Variants in GRIN2A observed in about 807,000 individuals in gnomAD.
GRIN2A encodes the protein glutamate ionotropic receptor NMDA type subunit 2A.
A neutral mutation model predicts 113.4 loss-of-function variants in GRIN2A; 22 were observed. That is an observed-to-expected ratio of 0.19 (90% confidence interval 0.14 to 0.28). The LOEUF is 0.28. GRIN2A is among the 10% of genes least tolerant of loss of function. The pLI is 1.00. For missense variants in GRIN2A, 1,502 were observed against 1,887.0 expected, an observed-to-expected ratio of 0.80 and a Z score of 3.78; for synonymous variants, 827 against 738.4, an observed-to-expected ratio of 1.12 and a Z score of -1.94.
chr16:9,917,207 T>C (rs1243421346), intron 3 of GRIN2A, among the ~76,000 whole-genome samples: 1 of 152,218 alleles, frequency 6.6e-6, no homozygotes, highest in Non-Finnish European at 1.5e-5. Flanking sequence ...CCTTCACGTT[T>C]TCCATCTCAG....
At chr16:9,826,104 T>C (rs1286780721) in intron 9 of GRIN2A, among the ~76,000 whole-genome samples, 1 of 152,126 alleles carries the variant, frequency 6.6e-6, no homozygotes, top group East Asian at 1.9e-4. Context: ...TGAGGATTAT[T>C]TCTAATCCTC....
intron 2 of GRIN2A, among the ~76,000 whole-genome samples, chr16:10,175,995 T>C (rs1157941922): frequency 1.3e-5 from 2 of 149,134 alleles, no homozygotes; most frequent in African/African-American, 4.9e-5. Context: ...TTGATTTTAA[T>C]TTTCCTTCTT....
chr16:10,063,232 G>C lies in GRIN2A; in HGVS notation c.414+116766C>G, dbSNP rs2047583758. 2.0e-5 allele frequency among the ~76,000 whole-genome samples: 3 copies of C among 152,164 alleles called. No homozygotes were observed. In the South Asian group the frequency reaches 6.2e-4, roughly 32 times the overall value. On this transcript the variant is annotated intron_variant, in intron 2 of 12. Coordinates refer to ENST00000330684, the MANE Select transcript of GRIN2A (RefSeq NM_001134407.3). ...CTGGGGATGATGATAAGTGTGAGGA[G>C]AGCAAGGCTGAAAAACTACCTGTTG... is the stretch of plus-strand genomic sequence containing the variant.
chr16:9,768,829 A>G, intron 12 of GRIN2A, 22 bp downstream of exon 12: 1 of 1,552,784 alleles, frequency 6.4e-7, no homozygotes, highest in Non-Finnish European at 8.9e-7. Context: ...AGTGCAAGAA[A>G]GTAGCCACCC....
intron 11 of GRIN2A, among the ~76,000 whole-genome samples, chr16:9,782,187 A>G (rs2141184843): frequency 6.6e-6 from 1 of 152,338 alleles, no homozygotes; most frequent in African/African-American, 2.4e-5. Flanking sequence ...GTCTGCACTA[A>G]ACATATACAG....
intron 2 of GRIN2A, among the ~76,000 whole-genome samples, chr16:10,120,907 G>C (rs1189566752): frequency 2.0e-5 from 3 of 151,436 alleles, no homozygotes; most frequent in Admixed American, 6.6e-5. Flanking sequence ...TCCCACAGCT[G>C]TCCCCTGATC....
intron 4 of GRIN2A, among the ~76,000 whole-genome samples, chr16:9,879,191 A>G (rs1311537134): frequency 6.6e-6 from 1 of 152,228 alleles, no homozygotes; most frequent in African/African-American, 2.4e-5. Context: ...AAACAAATTA[A>G]ATTCCACACA....
At chr16:10,040,503 C>G (rs936051896) in intron 2 of GRIN2A, among the ~76,000 whole-genome samples, 1 of 150,730 alleles carries the variant, frequency 6.6e-6, no homozygotes, top group Non-Finnish European at 1.5e-5. Context: ...CACCACACAT[C>G]CACACCACAA....
intron 2 of GRIN2A, among the ~76,000 whole-genome samples, chr16:10,176,944 T>C (rs1454267237): frequency 6.6e-6 from 1 of 152,224 alleles, no homozygotes; most frequent in Non-Finnish European, 1.5e-5. Context: ...GCAGGGGCAC[T>C]ATCATGTTGC....
chr16:9,763,116 T>C lies in GRIN2A; in HGVS notation c.*33A>G, dbSNP rs753980521. The C allele has an allele frequency of 1.2e-6, 2 of 1,604,480 alleles. No homozygotes were observed. Among genetic ancestry groups the C allele is most frequent in the South Asian group, 2.2e-5 (2 of 90,914 alleles). ...TCCAGAACATTGGCCATTACGTATA[T>C]TTCCCTATAGATAAAACATTAATGG... On this transcript the variant is annotated 3_prime_UTR_variant, in exon 13 of 13. Coordinates refer to ENST00000330684, the MANE Select transcript of GRIN2A (RefSeq NM_001134407.3).
At chr16:9,804,188 A>G (rs1424238984) in intron 10 of GRIN2A, among the ~76,000 whole-genome samples, 4 of 152,180 alleles carry the variant, frequency 2.6e-5, no homozygotes, top group Admixed American at 1.3e-4. Context: ...AGCCCGCCAT[A>G]TTTCAAGTGC....
At position 9,938,353 on chromosome 16, in the gene GRIN2A, T is replaced by G; in HGVS notation, c.613A>C (p.Thr205Pro). The G allele has an allele frequency of 6.2e-7, 1 of 1,614,178 alleles. No individual in the cohort carries two copies. The highest frequency in any genetic ancestry group is 8.5e-7 in the Non-Finnish European group (1 of 1,180,010). Residue 205 changes from threonine (T) to proline (P), a missense_variant, in exon 3 of 13, where the codon ACA becomes CCA. Coordinates refer to ENST00000330684, the MANE Select transcript of GRIN2A (RefSeq NM_001134407.3). Reference sequence around the variant, plus strand: ...GCATCCTCAAAGGAAGTGTCCAGTGTGATCACATTCTGCATGTCCCAGCCC... The same window carrying G: ...GCATCCTCAAAGGAAGTGTCCAGTGGGATCACATTCTGCATGTCCCAGCCC... ...FVGWDMQNVI[T>P]LDTSFEDAKT... is the part of the protein sequence containing the mutation.
chr16:9,842,252 C>CAAAAAAAA (rs57369493), intron 5 of GRIN2A, among the ~76,000 whole-genome samples: 160 of 137,074 alleles, frequency 1.2e-3, no homozygotes, highest in African/African-American at 4.1e-3. Context: ...ACTCTGTCTC[C>CAAAAAAAA]AAAAAAAAAA....
intron 2 of GRIN2A, among the ~76,000 whole-genome samples, chr16:10,049,755 A>T (rs1390006233): frequency 6.6e-6 from 1 of 152,174 alleles, no homozygotes; most frequent in African/African-American, 2.4e-5. Flanking sequence ...CCAATACATT[A>T]TATAATGAAT....
intron 2 of GRIN2A, among the ~76,000 whole-genome samples, chr16:10,051,809 C>G (rs948619686): frequency 3.3e-5 from 5 of 152,210 alleles, no homozygotes; most frequent in Non-Finnish European, 7.3e-5. Flanking sequence ...ACCCTGCCTT[C>G]TCTGCCAGGC....
intron 2 of GRIN2A, among the ~76,000 whole-genome samples, chr16:10,114,769 A>T (rs1005679462): frequency 6.6e-6 from 1 of 152,268 alleles, no homozygotes; most frequent in Non-Finnish European, 1.5e-5. Flanking sequence ...AAAGTGTCCT[A>T]TATGAGCCAA....
At chr16:9,867,379 C>G (rs918015660) in intron 4 of GRIN2A, among the ~76,000 whole-genome samples, 4 of 152,174 alleles carry the variant, frequency 2.6e-5, no homozygotes, top group African/African-American at 9.7e-5. Context: ...AGCCCCACTC[C>G]CAGCTGATGA....
intron 2 of GRIN2A, among the ~76,000 whole-genome samples, chr16:9,983,259 C>T (rs1596386736): frequency 6.6e-6 from 1 of 152,188 alleles, no homozygotes. Context: ...CCTGTGGCTA[C>T]ACCCTTCCTG....
At chr16:9,882,989 G>T (rs1404639663) in intron 4 of GRIN2A, among the ~76,000 whole-genome samples, 1 of 152,074 alleles carries the variant, frequency 6.6e-6, no homozygotes, top group Non-Finnish European at 1.5e-5. Flanking sequence ...ATGATGTAGT[G>T]GTGGTGAACA....
Sources: allele counts gnomAD v4.1 joint callset (sites outside exome capture counted in the v4.1 genomes callset), GRCh38; gene constraint gnomAD v4.1.1; transcripts MANE v1.5; gene names NCBI Gene and HGNC (gene_info 2026-07-23, HGNC 2026-07-21).